The following SLC1A6 variants were observed in gnomAD, a reference collection of about 807,000 sequenced individuals.
SLC1A6 encodes the protein solute carrier family 1 member 6, also known as excitatory amino acid transporter 4.
A neutral mutation model predicts 42.1 loss-of-function variants in SLC1A6; 15 were observed. The ratio of observed to expected loss-of-function variants is 0.36; its 90% CI spans 0.24 to 0.55. The LOEUF (loss-of-function observed/expected upper bound fraction) is 0.55. SLC1A6 is among the 20% of genes least tolerant of loss of function. The pLI, the probability that SLC1A6 is intolerant of heterozygous loss-of-function variation, is 0.88. For synonymous variants in SLC1A6, 317 were observed against 319.7 expected (o/e 0.99, Z 0.09); for missense variants, 542 against 772.5 (o/e 0.70, Z 3.54).
At chr19:14,982,558 T>G (rs1288471843), upstream of SLC1A6, among the ~76,000 whole-genome samples, 1 of 152,216 alleles carries the variant, frequency 6.6e-6, no homozygotes, top group Non-Finnish European at 1.5e-5. Context: ...AATAACATTT[T>G]GTTAATAATG....
intron 9 of SLC1A6, among the ~76,000 whole-genome samples, chr19:14,951,668 C>A (rs976567801): frequency 6.6e-6 from 1 of 152,052 alleles, no homozygotes; most frequent in African/African-American, 2.4e-5. Flanking sequence ...AGGCGCCCAC[C>A]ACTAGGCCCG....
intron 1 of SLC1A6, among the ~76,000 whole-genome samples, chr19:15,001,300 T>C (rs978085767): frequency 6.6e-6 from 1 of 152,160 alleles, no homozygotes; most frequent in Admixed American, 6.6e-5. Flanking sequence ...GGATGGCGTA[T>C]AGCCCGGTGG....
chr19:14,956,799 G>A, intron 6 of SLC1A6, 90 bp from the exon 7 acceptor site: 1 of 800,392 alleles, frequency 1.2e-6, no homozygotes, highest in South Asian at 1.7e-5. Context: ...TGCCCATATA[G>A]GGCCCTGGAG....
intron 7 of SLC1A6, among the ~76,000 whole-genome samples, chr19:14,954,794 A>G (rs1306505171): frequency 1.3e-5 from 2 of 152,216 alleles, no homozygotes; most frequent in African/African-American, 2.4e-5. Flanking sequence ...AGAAAACAGC[A>G]ATGAGGGTCT....
chr19:14,982,750 G>T (rs1453311256), upstream of SLC1A6, among the ~76,000 whole-genome samples: 2 of 152,136 alleles, frequency 1.3e-5, no homozygotes, highest in African/African-American at 2.4e-5. Flanking sequence ...AATTTAAAAA[G>T]ATCCTGGGAG....
intron 6 of SLC1A6, among the ~76,000 whole-genome samples, chr19:14,958,987 C>A (rs1287985717): frequency 6.6e-6 from 1 of 152,204 alleles, no homozygotes; most frequent in African/African-American, 2.4e-5. Flanking sequence ...AAGAATAAAT[C>A]TTAAGTGTTA....
At chr19:14,951,364 G>A (rs184113018) in intron 9 of SLC1A6, among the ~76,000 whole-genome samples, 64 of 152,142 alleles carry the variant, frequency 4.2e-4, no homozygotes, top group African/African-American at 1.5e-3. Context: ...TGGTAAACCA[G>A]GGCAGGCCTG....
At chr19:14,973,513 G>A (rs1243524280) in intron 1 of SLC1A6, 1 of 152,596 alleles carries the variant, frequency 6.6e-6, no homozygotes, top group Non-Finnish European at 1.5e-5. Flanking sequence ...TCTAAGGACA[G>A]GTCTTGGCAG....
chr19:14,956,473 TA>T lies in SLC1A6; in HGVS notation c.1169+2del. 1 of 1,560,580 alleles carries T rather than the reference TA, an allele frequency of 6.4e-7. No individual in the cohort carries two copies. Among genetic ancestry groups the T allele is most frequent in the Non-Finnish European group, 8.7e-7 (1 of 1,148,964 alleles). On this transcript the variant is annotated splice_donor_variant, in intron 7 of 9. Transcript: ENST00000594383. LOFTEE classifies it high-confidence loss of function. ...GGTGCTGGGGTGGGGAGCAAGGCCA[TA>T]CCTGGAAGACGTGCCCATAGCGGTG...
intron 6 of SLC1A6, among the ~76,000 whole-genome samples, chr19:14,960,414 T>A (rs1196465787): frequency 6.6e-6 from 1 of 152,072 alleles, no homozygotes; most frequent in East Asian, 1.9e-4. Flanking sequence ...AATACATGAG[T>A]GAGTTAACTG....
intron 1 of SLC1A6, among the ~76,000 whole-genome samples, chr19:14,994,805 A>G (rs1043531251): frequency 1.3e-5 from 2 of 152,158 alleles, no homozygotes; most frequent in African/African-American, 4.8e-5. Flanking sequence ...TTCCCTCTTG[A>G]TATGTATTTA....
chr19:14,964,077 C>T (rs1023301554), intron 5 of SLC1A6: 7 of 398,796 alleles, frequency 1.8e-5, no homozygotes, highest in Admixed American at 1.7e-4. Context: ...GATCCTCCCA[C>T]CTTGGCCTCC....
chr19:15,003,623 C>T (rs557315113), intron 1 of SLC1A6, among the ~76,000 whole-genome samples: 2 of 145,788 alleles, frequency 1.4e-5, no homozygotes, highest in African/African-American at 5.1e-5. Context: ...TAATTACCTG[C>T]CAAGATTTCA....
chr19:14,972,004 TTG>T (rs2045645918), intron 2 of SLC1A6, 130 bp from the exon 3 acceptor site: 2 of 801,176 alleles, frequency 2.5e-6, no homozygotes. Context: ...GTGTGTGTAT[TTG>T]TGTGTGCACT....
At chr19:14,971,641 A>G (rs1322862074) in intron 3 of SLC1A6, 96 bp downstream of exon 3, 3 of 1,247,896 alleles carry the variant, frequency 2.4e-6, no homozygotes, top group Non-Finnish European at 3.4e-6. Flanking sequence ...TGCCGCGTCA[A>G]GGAAGTGGTC....
At chr19:14,989,281 G>C (rs1225533097) in intron 1 of SLC1A6, among the ~76,000 whole-genome samples, 1 of 152,088 alleles carries the variant, frequency 6.6e-6, no homozygotes, top group Non-Finnish European at 1.5e-5. Flanking sequence ...AATTTTTTAA[G>C]GAGGAGTTTC....
At position 14,979,726 on chromosome 19, in the gene SLC1A6, C is replaced by G. The variant is rs1365710779; in HGVS notation, c.-425G>C. 6.6e-6 allele frequency: 1 copy of G among 150,906 alleles called. No homozygotes were observed. The highest frequency in any genetic ancestry group is 1.5e-5 in the Non-Finnish European group (1 of 67,834). The allele number at this position is 150,906 out of a possible 1,614,324, so 9.3% of individuals were successfully genotyped here. On this transcript the variant is annotated 5_prime_UTR_variant, in exon 1 of 10. Coordinates refer to ENST00000594383, the MANE Select transcript of SLC1A6 (RefSeq NM_005071.3). This position sits in a 1 kb window ranked among gnomAD's most constrained non-coding sequence, Gnocchi z 4.2. ...GGGATCCGGGCCGGCCCTGCGCTCACGTGGGTGTGGGGGCACCGAGCGGCC... is the reference window on the plus strand; with the variant it reads ...GGGATCCGGGCCGGCCCTGCGCTCAGGTGGGTGTGGGGGCACCGAGCGGCC...
chr19:14,964,107 GCCTGATCCA>G, intron 5 of SLC1A6: 1 of 526,436 alleles, frequency 1.9e-6, no homozygotes, highest in Non-Finnish European at 3.4e-6. Context: ...GGGATTACAA[GCCTGATCCA>G]CCATTCTCGG....
rs2045742056 is a variant in SLC1A6, at chr19:14,979,039, C to T, written c.-8+270G>A. 1.4e-5 allele frequency among the ~76,000 whole-genome samples: 2 copies of T among 140,570 alleles called. No homozygotes were observed. The highest frequency in any genetic ancestry group is 3.0e-5 in the Non-Finnish European group (2 of 66,348). 92.2% of individuals were successfully genotyped at this position (140,570 alleles called of 152,430 possible). A position where few individuals can be genotyped will look rare whatever the true frequency, so the allele number is the denominator to read the frequency against. On this transcript the variant is annotated intron_variant, in intron 1 of 9. Transcript: ENST00000594383. The surrounding 1 kb of genome is among the most constrained non-coding windows in gnomAD (Gnocchi z 4.2). ...GATCCCACTCACAAATTCAGTCTCT[C>T]TCTCTCTCTGTCACACACACACACA...
Sources: allele counts gnomAD v4.1 joint callset (sites outside exome capture counted in the v4.1 genomes callset), GRCh38; gene constraint gnomAD v4.1.1; non-coding constraint Gnocchi (gnomAD v3.1); transcripts MANE v1.5; gene names NCBI Gene and HGNC (gene_info 2026-07-23, HGNC 2026-07-21).